CPNE8: variants seen among roughly 807,000 people sequenced by gnomAD.
CPNE8 encodes the protein copine 8, also known as copine-8.
Under a neutral mutation model 81.5 loss-of-function variants are expected in CPNE8, and 45 were observed. That is an observed-to-expected ratio of 0.55 (90% CI 0.44 to 0.71). CPNE8 has a LOEUF of 0.71. Ranked by LOEUF, CPNE8 falls within the 30% of genes least tolerant of loss-of-function variation. The probability of loss-of-function intolerance (pLI) is 0.00; values close to 1 mark genes in which losing one functional copy is unlikely to be tolerated. For synonymous variants in CPNE8, 252 were observed against 226.3 expected, an observed-to-expected ratio of 1.11 and a Z score of -1.02; for missense variants, 594 against 672.1, an observed-to-expected ratio of 0.88 and a Z score of 1.28.
At chr12:38,810,813 C>T (rs1942920791) in intron 6 of CPNE8, among the ~76,000 whole-genome samples, 1 of 152,114 alleles carries the variant, frequency 6.6e-6, no homozygotes, top group African/African-American at 2.4e-5. Flanking sequence ...CTTCCAAGTT[C>T]ATTCATGTTG....
intron 6 of CPNE8, among the ~76,000 whole-genome samples, chr12:38,796,801 G>A (rs994814311): frequency 3.6e-4 from 55 of 152,074 alleles, no homozygotes; most frequent in Non-Finnish European, 6.0e-4. Flanking sequence ...GTCAAAGAAA[G>A]GGGTGACAGG....
intron 10 of CPNE8, among the ~76,000 whole-genome samples, chr12:38,749,968 T>G (rs539825518): frequency 6.6e-6 from 1 of 152,286 alleles, no homozygotes; most frequent in East Asian, 1.9e-4. Flanking sequence ...GGTCTTCATG[T>G]CAACCACTCC....
intron 11 of CPNE8, among the ~76,000 whole-genome samples, chr12:38,728,874 CTT>C (rs1490724398): frequency 6.6e-6 from 1 of 152,114 alleles, no homozygotes; most frequent in African/African-American, 2.4e-5. Flanking sequence ...AGACTGATCT[CTT>C]CTTTTGAAAA....
intron 6 of CPNE8, among the ~76,000 whole-genome samples, chr12:38,812,777 G>A (rs1942960305): frequency 6.6e-6 from 1 of 152,230 alleles, no homozygotes; most frequent in Admixed American, 6.5e-5. Flanking sequence ...CTTCTGCCAT[G>A]TGAGGACAGA....
chr12:38,904,781 G>C (rs2137176041), intron 1 of CPNE8, among the ~76,000 whole-genome samples: 1 of 152,174 alleles, frequency 6.6e-6, no homozygotes, highest in South Asian at 2.1e-4. Flanking sequence ...GCCCGGCCGA[G>C]AGTCAGTTTT....
intron 13 of CPNE8, among the ~76,000 whole-genome samples, chr12:38,705,974 C>T (rs1940097710): frequency 6.6e-6 from 1 of 152,016 alleles, no homozygotes; most frequent in African/African-American, 2.4e-5. Flanking sequence ...TGTGATGTTA[C>T]ATGGCTTGTA....
chr12:38,700,500 C>T (rs1197754237), intron 14 of CPNE8, among the ~76,000 whole-genome samples: 2 of 151,854 alleles, frequency 1.3e-5, no homozygotes, highest in Non-Finnish European at 1.5e-5. Context: ...GCTAGGAATA[C>T]AGGCGTGAGC....
At chr12:38,722,042 G>A (rs1470004728) in intron 13 of CPNE8, among the ~76,000 whole-genome samples, 1 of 152,172 alleles carries the variant, frequency 6.6e-6, no homozygotes, top group Non-Finnish European at 1.5e-5. Flanking sequence ...GCTAGGCCAA[G>A]CGGATGGAAC....
chr12:38,756,115 A>G (rs1005667621), intron 10 of CPNE8, among the ~76,000 whole-genome samples: 11 of 151,780 alleles, frequency 7.2e-5, no homozygotes, highest in Non-Finnish European at 1.5e-4. Flanking sequence ...TTTAATGTCA[A>G]CTGGTTACAT....
rs1227977034 is a variant in CPNE8, at chr12:38,902,264, G to T, written c.98+3173C>A. Among the ~76,000 whole-genome samples, 2 of 43,536 alleles carry T rather than the reference G, an allele frequency of 4.6e-5. 1 individual carries two copies. Among genetic ancestry groups the T allele is most frequent in the Non-Finnish European group, 1.2e-4 (2 of 16,532 alleles). 28.6% of individuals were successfully genotyped at this position (43,536 alleles called of 152,430 possible). Reference sequence around the variant, plus strand: ...AAGAAAGAAAGAAAGAAAAAAGAAAGAAAGAAAAAGAAAAGAAAGAAGGAA... The same window carrying T: ...AAGAAAGAAAGAAAGAAAAAAGAAATAAAGAAAAAGAAAAGAAAGAAGGAA... On this transcript the variant is annotated intron_variant, in intron 1 of 19. Transcript: ENST00000331366.
At chr12:38,902,224 A>AAG (rs1944474415) in intron 1 of CPNE8, among the ~76,000 whole-genome samples, 1 of 134,752 alleles carries the variant, frequency 7.4e-6, no homozygotes, top group African/African-American at 3.4e-5. Context: ...AAAGAGAAAG[A>AAG]GAAAGAAGGA....
Position 38,704,310 on chromosome 12 carries a change from G to A in CPNE8, c.915-1389C>T, listed in dbSNP as rs144990594. ...TTCTTTTGCTTTCTTCAGAAATGAA[G>A]TATTTCAGACACTAGTCTCCCATTG... On this transcript the variant is annotated intron_variant, in intron 13 of 19. Coordinates refer to ENST00000331366, the MANE Select transcript of CPNE8 (RefSeq NM_153634.3). Among the ~76,000 whole-genome samples, 451 of 152,244 alleles carry A rather than the reference G, an allele frequency of 3.0e-3. 2 individuals carry two copies. The highest frequency in any genetic ancestry group is 5.9e-3 in the Admixed American group (90 of 15,284).
rs1387461520 is a variant in CPNE8 at position 38,677,503 on chromosome 12, A to G, written c.1323T>C (p.Val441=). 1 of 1,612,828 alleles carries G rather than the reference A, an allele frequency of 6.2e-7. No individual in the cohort carries two copies. Among genetic ancestry groups the G allele is most frequent in the Non-Finnish European group, 8.5e-7 (1 of 1,179,130 alleles). Residue 441 remains valine, a synonymous_variant, in exon 17 of 20, where the codon GTT becomes GTC. Coordinates refer to ENST00000331366, the MANE Select transcript of CPNE8 (RefSeq NM_153634.3). ...DGSQYFVLLI[V]TDGVISDMAQ... The stretch of plus-strand genomic sequence containing the variant: ...CCATATCTGAGATAACACCATCTGT[A>G]ACAATCAGAAGCACAAAATACTGGG...
At chr12:38,663,656 A>G (rs949443115) in intron 19 of CPNE8, among the ~76,000 whole-genome samples, 6 of 152,138 alleles carry the variant, frequency 3.9e-5, no homozygotes, top group African/African-American at 1.2e-4. Context: ...CAGTATGTCA[A>G]ATAAATAGCT....
At chr12:38,871,039 T>A (rs186877192) in intron 3 of CPNE8, among the ~76,000 whole-genome samples, 1 of 152,108 alleles carries the variant, frequency 6.6e-6, no homozygotes, top group Admixed American at 6.5e-5. Context: ...ATCTTTATTA[T>A]AAAAATTGTA....
chr12:38,849,652 T>A (rs1943615190), intron 3 of CPNE8, among the ~76,000 whole-genome samples: 1 of 152,178 alleles, frequency 6.6e-6, no homozygotes, highest in Admixed American at 6.5e-5. Flanking sequence ...TAAGGCTACT[T>A]CCAATGGATC....
At chr12:38,905,914 C>G (rs775706033), upstream of CPNE8, 28 of 985,236 alleles carry the variant, frequency 2.8e-5, no homozygotes, top group South Asian at 4.7e-5. Flanking sequence ...AGACCCCTAC[C>G]GTCCAGGACC....
intron 6 of CPNE8, among the ~76,000 whole-genome samples, chr12:38,796,805 T>G (rs941892285): frequency 3.3e-5 from 5 of 151,904 alleles, no homozygotes; most frequent in African/African-American, 7.3e-5. Flanking sequence ...AAGAAAGGGG[T>G]GACAGGCGGC....
intron 3 of CPNE8, among the ~76,000 whole-genome samples, chr12:38,853,834 A>C (rs1443275420): frequency 6.6e-6 from 1 of 152,134 alleles, no homozygotes; most frequent in East Asian, 1.9e-4. Context: ...AAGAACACTC[A>C]GTAACTTCAT....
Sources: gnomAD v4.1 joint callset for allele counts (sites outside exome capture counted in the v4.1 genomes callset) on GRCh38, gnomAD v4.1.1 for gene constraint, MANE v1.5 for transcripts, NCBI Gene and HGNC (gene_info 2026-07-23, HGNC 2026-07-21) for gene names.